Variants in LPP observed in about 807,000 individuals in gnomAD.
The protein encoded by LPP is LIM domain containing preferred translocation partner in lipoma.
LPP carries 38 observed loss-of-function variants against 60.4 expected under a neutral mutation model. The observed-to-expected ratio is 0.63, with a 90% CI of 0.49 to 0.83. The LOEUF (loss-of-function observed/expected upper bound fraction) is 0.83. Among genes scored for constraint, LPP ranks in the 40% least tolerant of loss-of-function variants. The probability of loss-of-function intolerance (pLI) is 0.00; values close to 1 mark genes in which losing one functional copy is unlikely to be tolerated. For synonymous variants in LPP, 328 were observed against 290.8 expected (o/e 1.13, Z -1.30); for missense variants, 902 against 783.6 (o/e 1.15, Z -1.80).
chr3:188,339,264 G>T (rs1228727191), intron 2 of LPP, among the ~76,000 whole-genome samples: 1 of 152,142 alleles, frequency 6.6e-6, no homozygotes, highest in Non-Finnish European at 1.5e-5. Context: ...ATGGAATTAT[G>T]GAAAACTCCA....
chr3:188,659,919 C>T (rs187920047), intron 7 of LPP, among the ~76,000 whole-genome samples: 96 of 151,868 alleles, frequency 6.3e-4, no homozygotes, highest in African/African-American at 2.2e-3. Flanking sequence ...CCATTTCCTC[C>T]TCATTCTTTG....
chr3:188,740,560 C>T (rs1174792626), intron 8 of LPP, among the ~76,000 whole-genome samples: 1 of 151,980 alleles, frequency 6.6e-6, no homozygotes, highest in African/African-American at 2.4e-5. Flanking sequence ...CTTTATACTT[C>T]AGAACCTCAT....
At chr3:188,588,291 C>T (rs1258466883) in intron 6 of LPP, among the ~76,000 whole-genome samples, 1 of 152,216 alleles carries the variant, frequency 6.6e-6, no homozygotes, top group African/African-American at 2.4e-5. Flanking sequence ...ACGGTCCCCT[C>T]TCTTCAGAAA....
At chr3:188,335,713 G>A (rs560311358) in intron 2 of LPP, among the ~76,000 whole-genome samples, 1 of 151,850 alleles carries the variant, frequency 6.6e-6, no homozygotes. Context: ...TCCTTTTCTG[G>A]CATTTTATTG....
chr3:188,822,834 G>A (rs1449178036), intron 9 of LPP, among the ~76,000 whole-genome samples: 1 of 152,106 alleles, frequency 6.6e-6, no homozygotes, highest in Non-Finnish European at 1.5e-5. Flanking sequence ...TCTAAAATTG[G>A]GGACCATATG....
intron 8 of LPP, among the ~76,000 whole-genome samples, chr3:188,748,296 T>G (rs1358748074): frequency 6.6e-6 from 1 of 152,152 alleles, no homozygotes; most frequent in Non-Finnish European, 1.5e-5. Context: ...TATGAATGTA[T>G]GTTTGTATCC....
At chr3:188,430,909 A>G (rs566454973) in intron 4 of LPP, among the ~76,000 whole-genome samples, 129 of 152,132 alleles carry the variant, frequency 8.5e-4, no homozygotes, top group African/African-American at 2.9e-3. Flanking sequence ...GAATTATTAC[A>G]TAATTAACTT....
chr3:188,255,111 T>C (rs1173409142), intron 2 of LPP, among the ~76,000 whole-genome samples: 2 of 152,236 alleles, frequency 1.3e-5, no homozygotes, highest in African/African-American at 2.4e-5. Flanking sequence ...AGTTGTTTCA[T>C]AGGGCAGGGT....
At chr3:188,344,524 G>A (rs996838230) in intron 3 of LPP, among the ~76,000 whole-genome samples, 3 of 152,112 alleles carry the variant, frequency 2.0e-5, no homozygotes, top group Non-Finnish European at 4.4e-5. Context: ...TAATGACAAA[G>A]TTGGACCAGT....
At chr3:188,834,002 A>G (rs1757723729) in intron 9 of LPP, among the ~76,000 whole-genome samples, 1 of 152,308 alleles carries the variant, frequency 6.6e-6, no homozygotes, top group African/African-American at 2.4e-5. Flanking sequence ...TGCTTCGGGA[A>G]GAACAAGACC....
At chr3:188,592,557 G>GTTGTTGTTTGTTTTTTTTTTTTTTT (rs1553936334) in intron 6 of LPP, among the ~76,000 whole-genome samples, 93 of 85,774 alleles carry the variant, frequency 1.1e-3, no homozygotes, top group East Asian at 1.4e-3. Flanking sequence ...TTTTGTTTTT[G>GTTGTTGTTTGTTTTTTTTTTTTTTT]TTTTTTAAAT....
chr3:188,405,640 C>T (rs903600982), intron 3 of LPP, among the ~76,000 whole-genome samples: 1 of 151,992 alleles, frequency 6.6e-6, no homozygotes, highest in Non-Finnish European at 1.5e-5. Context: ...CTTAACCTCA[C>T]TTAGGTAACT....
chr3:188,610,141 A>C lies in LPP; in HGVS notation c.1113+297A>C, dbSNP rs1444667241. On this transcript the variant is annotated intron_variant, in intron 7 of 11. Coordinates refer to ENST00000617246, the MANE Select transcript of LPP (RefSeq NM_001375462.1). The surrounding 1 kb of genome is among the most constrained non-coding windows in gnomAD (Gnocchi z 4.4). ...AAGTGTTCTGATGGAGAAAGAGAAA[A>C]TAATTTATTTTTCACATCCTTCCCT... 6.6e-6 allele frequency among the ~76,000 whole-genome samples: 1 copy of C among 152,198 alleles called. No individual in the cohort carries two copies. Among genetic ancestry groups the C allele is most frequent in the Non-Finnish European group, 1.5e-5 (1 of 68,032 alleles).
At chr3:188,847,666 A>C (rs373950673) in intron 9 of LPP, among the ~76,000 whole-genome samples, 2 of 152,292 alleles carry the variant, frequency 1.3e-5, no homozygotes, top group African/African-American at 4.8e-5. Flanking sequence ...TTTATCTTGA[A>C]CTCTTAACAG....
At position 188,607,370 on chromosome 3, in the gene LPP, G is replaced by GATAT. The variant is rs10527365; in HGVS notation, c.430-1747_430-1744dup. 4.2e-3 allele frequency among the ~76,000 whole-genome samples: 428 copies of GATAT among 102,318 alleles called. 2 individuals are homozygous for GATAT. Among genetic ancestry groups the GATAT allele is most frequent in the Non-Finnish European group, 6.1e-3 (285 of 46,372 alleles). The allele number at this position is 102,318 out of a possible 152,430, so 67.1% of individuals were successfully genotyped here. ...TATAACTGTATGTTTGAAAATAGAAGATATATATATATATATATATATATA... is the reference window on the plus strand; with the variant it reads ...TATAACTGTATGTTTGAAAATAGAAGATATATATATATATATATATATATATATA... On this transcript the variant is annotated intron_variant, in intron 6 of 11. Coordinates refer to ENST00000617246, the MANE Select transcript of LPP (RefSeq NM_001375462.1).
chr3:188,522,247 AAG>A (rs1402944294), intron 5 of LPP, among the ~76,000 whole-genome samples: 2 of 152,198 alleles, frequency 1.3e-5, no homozygotes, highest in Non-Finnish European at 2.9e-5. Context: ...TGGCTATGAC[AAG>A]AGAGTTGAAG....
chr3:188,204,049 G>A (rs541433167), intron 1 of LPP, among the ~76,000 whole-genome samples: 6 of 152,162 alleles, frequency 3.9e-5, no homozygotes, highest in African/African-American at 1.4e-4. Context: ...AGAAGGGGTG[G>A]GCCAGTGAAG....
At chr3:188,376,276 T>C (rs4011883) in intron 3 of LPP, among the ~76,000 whole-genome samples, 130,952 of 150,598 alleles carry the variant, frequency 0.87, 58,576 homozygotes, top group Non-Finnish European at 0.97. Flanking sequence ...CTTTCTGTCT[T>C]GTTGATCTGT....
At chr3:188,700,492 C>T (rs1864185896) in intron 7 of LPP, among the ~76,000 whole-genome samples, 5 of 152,176 alleles carry the variant, frequency 3.3e-5, no homozygotes, top group African/African-American at 1.2e-4. Flanking sequence ...GCCATTTGCA[C>T]CTTAGTGCGG....
Sources: gnomAD v4.1 joint callset for allele counts (sites outside exome capture counted in the v4.1 genomes callset) on GRCh38, gnomAD v4.1.1 for gene constraint, Gnocchi (gnomAD v3.1) non-coding constraint, MANE v1.5 for transcripts, NCBI Gene and HGNC (gene_info 2026-07-23, HGNC 2026-07-21) for gene names.